The following MAN1A2 variants were observed in gnomAD, a reference collection of about 807,000 sequenced individuals.
MAN1A2 encodes the protein mannosidase alpha class 1A member 2, also known as mannosyl-oligosaccharide 1,2-alpha-mannosidase IB.
MAN1A2 carries 26 observed loss-of-function variants against 75.7 expected under a neutral mutation model. The ratio of observed to expected loss-of-function variants is 0.34; its 90% CI spans 0.25 to 0.48. The LOEUF is 0.48. Among genes scored for constraint, MAN1A2 ranks in the 20% least tolerant of loss-of-function variants. The probability of loss-of-function intolerance (pLI) is 0.99; values close to 1 mark genes in which losing one functional copy is unlikely to be tolerated. For missense variants in MAN1A2, 562 were observed against 775.5 expected, an observed-to-expected ratio of 0.72 and a Z score of 3.27; for synonymous variants, 247 against 264.6, an observed-to-expected ratio of 0.93 and a Z score of 0.65.
chr1:117,448,556 A>G (rs186742709), intron 6 of MAN1A2, among the ~76,000 whole-genome samples: 12 of 152,352 alleles, frequency 7.9e-5, no homozygotes, highest in African/African-American at 2.6e-4. Flanking sequence ...AAAGGTGAGA[A>G]ATATATGAAA....
chr1:117,391,339 C>G (rs950780067), intron 1 of MAN1A2, among the ~76,000 whole-genome samples: 3 of 152,026 alleles, frequency 2.0e-5, no homozygotes, highest in Non-Finnish European at 4.4e-5. Flanking sequence ...TCTTTTATGT[C>G]CTTATTGATT....
chr1:117,429,053 C>T (rs2101792515), intron 5 of MAN1A2, among the ~76,000 whole-genome samples: 1 of 147,286 alleles, frequency 6.8e-6, no homozygotes, highest in Admixed American at 6.7e-5. Context: ...GCATATCTTG[C>T]ACCGCCCTTA....
chr1:117,451,190 G>A (rs1191536847), intron 6 of MAN1A2, among the ~76,000 whole-genome samples: 3 of 152,242 alleles, frequency 2.0e-5, no homozygotes, highest in Non-Finnish European at 4.4e-5. Context: ...GAGACATGGA[G>A]TCAAAGGAGA....
At chr1:117,519,432 AG>A (rs1651809753) in intron 12 of MAN1A2, among the ~76,000 whole-genome samples, 1 of 152,140 alleles carries the variant, frequency 6.6e-6, no homozygotes, top group Non-Finnish European at 1.5e-5. Flanking sequence ...ATAGACCATT[AG>A]CAAGATTAAC....
At chr1:117,491,652 A>G (rs1008332021) in intron 8 of MAN1A2, among the ~76,000 whole-genome samples, 13 of 152,122 alleles carry the variant, frequency 8.5e-5, no homozygotes, top group Non-Finnish European at 1.3e-4. Context: ...TTGTAAGGCT[A>G]TAGCTGCCAT....
chr1:117,452,123 G>A (rs1649439661), intron 6 of MAN1A2, among the ~76,000 whole-genome samples: 1 of 151,880 alleles, frequency 6.6e-6, no homozygotes. Context: ...CCTAGCCAAT[G>A]TGATGAAACC....
At position 117,383,821 on chromosome 1, in the gene MAN1A2, T is replaced by A. The variant is rs1259412981; in HGVS notation, c.302+15336T>A. On this transcript the variant is annotated intron_variant, in intron 1 of 12. Transcript: ENST00000356554. The stretch of plus-strand genomic sequence containing the variant: ...GTGCAGTGGTTATTCACAGGTGTGA[T>A]CATGGTGCACTGCAACCTTGTACTC... Among the ~76,000 whole-genome samples the A allele has an allele frequency of 2.0e-5, 3 of 152,128 alleles. No individual in the cohort carries two copies. In the East Asian group the frequency reaches 5.8e-4, roughly 29 times the overall value.
At chr1:117,504,207 C>T (rs1651282227) in intron 12 of MAN1A2, among the ~76,000 whole-genome samples, 1 of 151,192 alleles carries the variant, frequency 6.6e-6, no homozygotes, top group Non-Finnish European at 1.5e-5. Context: ...TTTAGTTGTA[C>T]ACTAGCTACA....
intron 4 of MAN1A2, among the ~76,000 whole-genome samples, chr1:117,415,107 A>G (rs1647946904): frequency 6.6e-6 from 1 of 151,976 alleles, no homozygotes; most frequent in South Asian, 2.1e-4. Context: ...TTCTTCTGGC[A>G]CTTTAGCATG....
At position 117,402,331 on chromosome 1, in the gene MAN1A2, A is replaced by T; in HGVS notation, c.448A>T (p.Ile150Leu). The T allele has an allele frequency of 6.2e-7, 1 of 1,613,892 alleles. No homozygotes were observed. Among genetic ancestry groups the T allele is most frequent in the Non-Finnish European group, 8.5e-7 (1 of 1,179,826 alleles). Residue 150 changes from isoleucine to leucine, a missense_variant, in exon 2 of 13, where the codon ATA (isoleucine) becomes TTA (leucine). This residue lies in a region of MAN1A2 where 434 missense variants were observed against 645.7 expected (regional missense o/e 0.67). Coordinates refer to ENST00000356554, the MANE Select transcript of MAN1A2 (RefSeq NM_006699.5). ...EKNKVVQEMK[I>L]KENKPLPPVP... ...AAATAAGGTAGTCCAAGAAATGAAG[A>T]TAAAAGAGAACAAGCCACTGCCACC...
chr1:117,412,072 A>T (rs552629855), intron 3 of MAN1A2, among the ~76,000 whole-genome samples: 1 of 151,712 alleles, frequency 6.6e-6, no homozygotes, highest in Non-Finnish European at 1.5e-5. Flanking sequence ...CTTTTTCCCT[A>T]TGTTATATAA....
In MAN1A2 at chr1:117,526,996, TAACA is replaced by T. The variant is rs1430687495; in HGVS notation, c.*4044_*4047del. On this transcript the variant is annotated 3_prime_UTR_variant, in exon 13 of 13. Coordinates refer to ENST00000356554, the MANE Select transcript of MAN1A2 (RefSeq NM_006699.5). ...ACAGATAATTTTTAATACTCTTTGT[TAACA>T]AACACAGTTGAAAACTGGTTTCGGC... 2.0e-5 allele frequency: 3 copies of T among 149,978 alleles called. No individual in the cohort carries two copies. Among genetic ancestry groups the T allele is most frequent in the Non-Finnish European group, 3.0e-5 (2 of 67,320 alleles). 9.3% of individuals were successfully genotyped at this position (149,978 alleles called of 1,614,324 possible).
At chr1:117,479,161 G>A (rs890108528) in intron 8 of MAN1A2, among the ~76,000 whole-genome samples, 1 of 151,734 alleles carries the variant, frequency 6.6e-6, no homozygotes, top group African/African-American at 2.4e-5. Flanking sequence ...ACTTATAAGT[G>A]AGAACATATG....
chr1:117,444,103 T>A (rs1649131501), intron 6 of MAN1A2, among the ~76,000 whole-genome samples: 1 of 152,128 alleles, frequency 6.6e-6, no homozygotes, highest in Admixed American at 6.6e-5. Flanking sequence ...CTTTAATGGC[T>A]TGCTTTTCTG....
intron 1 of MAN1A2, among the ~76,000 whole-genome samples, chr1:117,376,195 C>T (rs1326286104): frequency 6.6e-6 from 1 of 152,220 alleles, no homozygotes; most frequent in Non-Finnish European, 1.5e-5. Context: ...CAGGCGTGAG[C>T]CCACTGCGCC....
chr1:117,499,327 G>A lies in MAN1A2; in HGVS notation c.1505-55G>A, dbSNP rs1049827764. 124 of 1,298,248 alleles carry A rather than the reference G, an allele frequency of 9.6e-5. No individual in the cohort carries two copies. The African/African-American group carries it at 1.6e-3, about 17-fold the overall frequency. 80.4% of individuals were successfully genotyped at this position (1,298,248 alleles called of 1,614,324 possible). A position where few individuals can be genotyped will look rare whatever the true frequency, so the allele number is the denominator to read the frequency against. ...TCTTTCAGGGAAGAAAGAAGTCCTT[G>A]CAAACAAACATAAATGGTTTATTTT... is the stretch of plus-strand genomic sequence containing the variant. On this transcript the variant is annotated intron_variant, in intron 10 of 12. Coordinates refer to ENST00000356554, the MANE Select transcript of MAN1A2 (RefSeq NM_006699.5).
At chr1:117,469,797 G>A (rs1020409580) in intron 8 of MAN1A2, among the ~76,000 whole-genome samples, 2 of 152,128 alleles carry the variant, frequency 1.3e-5, no homozygotes, top group African/African-American at 4.8e-5. Flanking sequence ...CTACTAGGAA[G>A]ACTGTAATCA....
intron 12 of MAN1A2, among the ~76,000 whole-genome samples, chr1:117,511,803 T>C (rs1390726818): frequency 6.6e-6 from 1 of 152,144 alleles, no homozygotes; most frequent in Non-Finnish European, 1.5e-5. Context: ...TCATAGCACC[T>C]ATCTTCCAAC....
chr1:117,491,994 T>C (rs1406097071), intron 8 of MAN1A2, among the ~76,000 whole-genome samples: 1 of 152,062 alleles, frequency 6.6e-6, no homozygotes, highest in Non-Finnish European at 1.5e-5. Flanking sequence ...GCAAAGAAGA[T>C]GGTTTCTTGA....
Sources: allele counts gnomAD v4.1 joint callset (sites outside exome capture counted in the v4.1 genomes callset), GRCh38; gene constraint gnomAD v4.1.1; regional missense constraint gnomAD v4.1.1; transcripts MANE v1.5; gene names NCBI Gene and HGNC (gene_info 2026-07-23, HGNC 2026-07-21).